The following MAP2K2 variants were observed in gnomAD, a reference collection of about 807,000 sequenced individuals.
MAP2K2 encodes the protein mitogen-activated protein kinase kinase 2, also known as dual specificity mitogen-activated protein kinase kinase 2.
A neutral mutation model predicts 43.7 loss-of-function variants in MAP2K2; 24 were observed. The observed-to-expected ratio is 0.55, with a 90% CI of 0.40 to 0.77. The LOEUF is 0.77. MAP2K2 is among the 30% of genes least tolerant of loss of function. The pLI is 0.00. For missense variants in MAP2K2, 470 were observed against 566.8 expected, an observed-to-expected ratio of 0.83 and a Z score of 1.73; for synonymous variants, 244 against 239.7, an observed-to-expected ratio of 1.02 and a Z score of -0.17.
At chr19:4,110,917 C>T (rs927348105) in intron 2 of MAP2K2, among the ~76,000 whole-genome samples, 14 of 152,224 alleles carry the variant, frequency 9.2e-5, no homozygotes, top group Admixed American at 3.3e-4. Flanking sequence ...AACAGGCCAA[C>T]CCAGCGCAGC....
At chr19:4,102,614 A>C in intron 3 of MAP2K2, 161 bp from the exon 4 acceptor site, 1 of 891,510 alleles carries the variant, frequency 1.1e-6, no homozygotes, top group Non-Finnish European at 1.8e-6. Flanking sequence ...GTCTTCTGAC[A>C]GTTCTGCCTT....
chr19:4,100,735 C>T (rs1446560924), intron 6 of MAP2K2: 9 of 536,648 alleles, frequency 1.7e-5, no homozygotes, highest in African/African-American at 3.8e-5. Flanking sequence ...CAGCTTTAGA[C>T]GTGCCTTGTG....
intron 7 of MAP2K2, among the ~76,000 whole-genome samples, chr19:4,098,571 C>T (rs1386859154): frequency 6.6e-6 from 1 of 152,222 alleles, no homozygotes; most frequent in African/African-American, 2.4e-5. Context: ...CCGGCTCTTC[C>T]CTCAGGCGGT....
Position 4,102,743 on chromosome 19 carries a change from G to A in MAP2K2, c.451-290C>T, listed in dbSNP as rs2041032354. 29 of 1,296,244 alleles carry A rather than the reference G, an allele frequency of 2.2e-5. No homozygotes were observed. The South Asian group carries it at 3.9e-4, about 18-fold the overall frequency. The allele number at this position is 1,296,244 out of a possible 1,614,324, so 80.3% of individuals were successfully genotyped here. On this transcript the variant is annotated intron_variant, in intron 3 of 10. Coordinates refer to ENST00000262948, the MANE Select transcript of MAP2K2 (RefSeq NM_030662.4). ...CCCTCCTGAGGTCGCCACGGCAGAG[G>A]CTCTGCTCCGGGCCAGCCCAAGCCG...
At chr19:4,107,968 T>G (rs141336437) in intron 3 of MAP2K2, among the ~76,000 whole-genome samples, 2,052 of 152,176 alleles carry the variant, frequency 0.013, 26 homozygotes, top group Middle Eastern at 0.044. Context: ...GGCCGAGACC[T>G]GACCCGGACG....
rs730880523 is a variant in MAP2K2 at position 4,099,264 on chromosome 19, C to T, written c.856G>A (p.Gly286Arg). 140 of 1,605,478 alleles carry T rather than the reference C, an allele frequency of 8.7e-5. No individual in the cohort carries two copies. Among genetic ancestry groups the T allele is most frequent in the Middle Eastern group, 1.6e-4 (1 of 6,070 alleles). ...ATGCTGTGAGGCTCTCCTTCTTCCC[C>T]GTCGACCACGGGCCGGCCAAAGATG... ...EAIFGRPVVD[G>R]EEGEPHSISP... Residue 286 changes from glycine to arginine, a missense_variant, in exon 7 of 11, where the codon GGG becomes AGG. Coordinates refer to ENST00000262948, the MANE Select transcript of MAP2K2 (RefSeq NM_030662.4).
rs780175317 is a variant in MAP2K2 at position 4,101,156 on chromosome 19, G to A, written c.581-13C>T. ...GAGGGCTTCACATCTGGAGGCGGCA[G>A]GCTGCGGGTGAGGGGCGCCCAACAG... On this transcript the variant is annotated splice_polypyrimidine_tract_variant and intron_variant, in intron 5 of 10. Coordinates refer to ENST00000262948, the MANE Select transcript of MAP2K2 (RefSeq NM_030662.4). The surrounding 1 kb of genome is among the most constrained non-coding windows in gnomAD (Gnocchi z 6.3). 7 of 1,606,560 alleles carry A rather than the reference G, an allele frequency of 4.4e-6. No individual in the cohort carries two copies. The highest frequency in any genetic ancestry group is 1.7e-5 in the Admixed American group (1 of 59,102).
At chr19:4,108,040 T>C (rs2041108295) in intron 3 of MAP2K2, among the ~76,000 whole-genome samples, 1 of 152,128 alleles carries the variant, frequency 6.6e-6, no homozygotes, top group African/African-American at 2.4e-5. Flanking sequence ...TGGGAGGGAA[T>C]GAATCAGGTG....
intron 3 of MAP2K2, 128 bp from the exon 4 acceptor site, chr19:4,102,581 CA>C: frequency 2.2e-6 from 2 of 915,728 alleles, no homozygotes; most frequent in Non-Finnish European, 3.4e-6. Context: ...AGCCCAACTC[CA>C]CCCACGGGCC....
intron 3 of MAP2K2, among the ~76,000 whole-genome samples, 155 bp downstream of exon 3, chr19:4,110,354 C>T (rs1025796073): frequency 6.6e-6 from 1 of 152,152 alleles, no homozygotes; most frequent in Non-Finnish European, 1.5e-5. Flanking sequence ...TCTACATATA[C>T]ATACTTGTAT....
At chr19:4,119,809 T>C (rs138026225) in intron 1 of MAP2K2, among the ~76,000 whole-genome samples, 1 of 152,304 alleles carries the variant, frequency 6.6e-6, no homozygotes, top group Non-Finnish European at 1.5e-5. Context: ...AAAGCCAAGG[T>C]GGACAGCCAG....
At chr19:4,095,120 G>A (rs2040898357) in intron 9 of MAP2K2, 1 of 450,548 alleles carries the variant, frequency 2.2e-6, no homozygotes, top group Non-Finnish European at 4.1e-6. Context: ...TTCTCCTGCT[G>A]CAGACAGTGA....
At chr19:4,090,835 C>T in intron 10 of MAP2K2, 127 bp from the exon 11 acceptor site, 2 of 727,630 alleles carry the variant, frequency 2.7e-6, no homozygotes, top group Non-Finnish European at 2.5e-6. Context: ...ACCCTCCCTT[C>T]CCCACAGGAA....
At chr19:4,098,713 G>C (rs1244634811) in intron 7 of MAP2K2, among the ~76,000 whole-genome samples, 3 of 152,182 alleles carry the variant, frequency 2.0e-5, no homozygotes, top group Admixed American at 1.3e-4. Flanking sequence ...CCCCTCCCGG[G>C]CTGTGTCCCC....
intron 2 of MAP2K2, among the ~76,000 whole-genome samples, chr19:4,113,228 G>A (rs1050117245): frequency 7.2e-5 from 11 of 152,208 alleles, no homozygotes; most frequent in Non-Finnish European, 4.4e-5. Flanking sequence ...AAATGAGGCC[G>A]TCGGAAGCGA....
chr19:4,098,868 T>G (rs1051369032), intron 7 of MAP2K2, among the ~76,000 whole-genome samples: 1 of 152,260 alleles, frequency 6.6e-6, no homozygotes. Flanking sequence ...GCCAATTCCT[T>G]CCACTTTTCT....
intron 6 of MAP2K2, chr19:4,099,615 C>G (rs907690355): frequency 3.3e-6 from 2 of 598,558 alleles, no homozygotes; most frequent in Non-Finnish European, 6.0e-6. Context: ...GCTTCCAGCC[C>G]GAGGCCTGGA....
rs540060751 is a variant in MAP2K2 at position 4,115,586 on chromosome 19, G to A, written c.303+1833C>T. Among the ~76,000 whole-genome samples, 1 of 152,348 alleles carries A rather than the reference G, an allele frequency of 6.6e-6. No homozygotes were observed. Among genetic ancestry groups the A allele is most frequent in the Admixed American group, 6.5e-5 (1 of 15,306 alleles). Reference sequence around the variant, plus strand: ...TCCGGTTTGGAAGAGGCTGCCTGCAGTACGGGGACAGAAATAGCAAGTCCG... The same window carrying A: ...TCCGGTTTGGAAGAGGCTGCCTGCAATACGGGGACAGAAATAGCAAGTCCG... On this transcript the variant is annotated intron_variant, in intron 2 of 10. Transcript: ENST00000262948. This position sits in a 1 kb window ranked among gnomAD's most constrained non-coding sequence, Gnocchi z 4.1.
Position 4,108,346 on chromosome 19 carries a change from T to C in MAP2K2, c.450+2163A>G, listed in dbSNP as rs183518045. On this transcript the variant is annotated intron_variant, in intron 3 of 10. Transcript: ENST00000262948. The stretch of plus-strand genomic sequence containing the variant: ...AGCTCTGCCTCCAGGGTTCACGCCA[T>C]TCCCCTGCCTCAGCCTCCCAAGTAG... 5.1e-3 allele frequency among the ~76,000 whole-genome samples: 777 copies of C among 152,110 alleles called. 6 individuals carry two copies. Among genetic ancestry groups the C allele is most frequent in the African/African-American group, 0.018 (740 of 41,496 alleles).
Sources: gnomAD v4.1 joint callset for allele counts (sites outside exome capture counted in the v4.1 genomes callset) on GRCh38, gnomAD v4.1.1 for gene constraint, Gnocchi (gnomAD v3.1) non-coding constraint, MANE v1.5 for transcripts, NCBI Gene and HGNC (gene_info 2026-07-23, HGNC 2026-07-21) for gene names.